The following TTLL7 variants were observed in gnomAD, a reference collection of about 807,000 sequenced individuals.
The protein encoded by TTLL7 is tubulin tyrosine ligase like 7, also known as tubulin polyglutamylase TTLL7.
Under a neutral mutation model 120.2 loss-of-function variants are expected in TTLL7, and 53 were observed. The observed-to-expected ratio is 0.44, with a 90% CI of 0.35 to 0.55. The LOEUF is 0.55. Ranked by LOEUF, TTLL7 falls within the 20% of genes least tolerant of loss-of-function variation. TTLL7 has a pLI of 0.00. For synonymous variants in TTLL7, 353 were observed against 351.7 expected (o/e 1.00, Z -0.04); for missense variants, 803 against 1,054.7 (o/e 0.76, Z 3.31).
intron 5 of TTLL7, 190 bp from the exon 6 acceptor site, chr1:83,947,472 T>C (rs1029748426): frequency 2.0e-6 from 1 of 492,876 alleles, no homozygotes; most frequent in Non-Finnish European, 3.4e-6. Flanking sequence ...TTCTGGACTA[T>C]GGATTCATCA....
At chr1:83,919,597 A>G in intron 13 of TTLL7, 102 bp downstream of exon 13, 1 of 1,096,136 alleles carries the variant, frequency 9.1e-7, no homozygotes, top group Non-Finnish European at 1.2e-6. Flanking sequence ...AGCATATCTT[A>G]AAAGTAAAAT....
chr1:83,963,893 T>C (rs1332356814), intron 1 of TTLL7, among the ~76,000 whole-genome samples: 2 of 152,140 alleles, frequency 1.3e-5, no homozygotes, highest in Non-Finnish European at 2.9e-5. Flanking sequence ...AATTAAGTTA[T>C]GGTACAAGAA....
At chr1:83,886,794 T>C (rs114741905) in intron 19 of TTLL7, among the ~76,000 whole-genome samples, 8 of 152,058 alleles carry the variant, frequency 5.3e-5, no homozygotes, top group African/African-American at 1.9e-4. Flanking sequence ...ACTCCTATTC[T>C]TCCTTTAACT....
chr1:83,915,473 C>T (rs1358218369), intron 14 of TTLL7, among the ~76,000 whole-genome samples: 5 of 152,150 alleles, frequency 3.3e-5, no homozygotes, highest in Admixed American at 6.5e-5. Context: ...CTTCCTTACA[C>T]CTTATACTAA....
At chr1:83,962,756 A>G (rs1241496822) in intron 1 of TTLL7, among the ~76,000 whole-genome samples, 1 of 152,100 alleles carries the variant, frequency 6.6e-6, no homozygotes, top group Non-Finnish European at 1.5e-5. Context: ...ATCAGTGGAC[A>G]CTCATTTGCT....
intron 20 of TTLL7, among the ~76,000 whole-genome samples, chr1:83,878,819 T>G (rs1654189739): frequency 6.6e-6 from 1 of 151,916 alleles, no homozygotes; most frequent in African/African-American, 2.4e-5. Context: ...CATATTATTA[T>G]TTTTTTCTGA....
In TTLL7 at chr1:83,962,164, A is replaced by G. The variant is rs139784793; in HGVS notation, c.-176-9777T>C. On this transcript the variant is annotated intron_variant, in intron 1 of 20. Transcript: ENST00000260505. ...CAGCTGCTTAGCTGGTGAACAAATG[A>G]CATCACCCAAATGTCATCTGATGCC... Among the ~76,000 whole-genome samples, 45 of 152,286 alleles carry G rather than the reference A, an allele frequency of 3.0e-4. No homozygotes were observed. In the East Asian group the frequency reaches 4.6e-3, roughly 16 times the overall value.
chr1:83,867,517 C>G lies in TTLL7; in HGVS notation c.*2445G>C, dbSNP rs1191903511. On this transcript the variant is annotated 3_prime_UTR_variant, in exon 21 of 21. Coordinates refer to ENST00000260505, the MANE Select transcript of TTLL7 (RefSeq NM_024686.6). ...GGGTACTTTCATACATTTAAATTTA[C>G]TCAGTTTTTAAATTGTGTGTGTGTG... is the stretch of plus-strand genomic sequence containing the variant. The G allele has an allele frequency of 1.4e-5, 2 of 145,518 alleles. No individual in the cohort carries two copies. The highest frequency in any genetic ancestry group is 1.4e-4 in the Admixed American group (2 of 13,914). The allele number at this position is 145,518 out of a possible 1,614,324, so 9.0% of individuals were successfully genotyped here.
At chr1:83,996,101 T>C (rs1206143483) in intron 1 of TTLL7, among the ~76,000 whole-genome samples, 1 of 152,196 alleles carries the variant, frequency 6.6e-6, no homozygotes, top group Non-Finnish European at 1.5e-5. Context: ...ATAGTGATTG[T>C]CTTTAGTTGG....
chr1:83,930,301 C>A (rs1248959985), intron 9 of TTLL7, among the ~76,000 whole-genome samples: 1 of 152,014 alleles, frequency 6.6e-6, no homozygotes, highest in Non-Finnish European at 1.5e-5. Context: ...AATAATGTAT[C>A]ATGAAAATCT....
At chr1:83,973,223 G>A (rs1651154117) in intron 1 of TTLL7, among the ~76,000 whole-genome samples, 1 of 151,918 alleles carries the variant, frequency 6.6e-6, no homozygotes, top group Non-Finnish European at 1.5e-5. Flanking sequence ...TTAGCTATTT[G>A]GTCTGCTTTG....
intron 14 of TTLL7, 79 bp from the exon 15 acceptor site, chr1:83,911,442 T>C: frequency 8.7e-7 from 1 of 1,153,496 alleles, no homozygotes; most frequent in Non-Finnish European, 1.2e-6. Flanking sequence ...TATTTTTAAT[T>C]TCCCCCTATG....
intron 1 of TTLL7, among the ~76,000 whole-genome samples, chr1:83,982,171 C>T (rs949379179): frequency 1.2e-4 from 18 of 152,136 alleles, no homozygotes; most frequent in Admixed American, 7.2e-4. Context: ...TTAAACAATA[C>T]ATTTCTAAAT....
chr1:83,979,753 TA>T (rs1437287924), intron 1 of TTLL7: 1 of 152,214 alleles, frequency 6.6e-6, no homozygotes, highest in Admixed American at 6.5e-5. Context: ...CTTACTCTCA[TA>T]ATTTTGCAAA....
chr1:83,956,531 G>A (rs1208848554), intron 1 of TTLL7, among the ~76,000 whole-genome samples: 1 of 150,922 alleles, frequency 6.6e-6, no homozygotes, highest in Admixed American at 6.6e-5. Context: ...GGGTTCAAGT[G>A]ATTCGCCTGC....
intron 1 of TTLL7, among the ~76,000 whole-genome samples, chr1:83,992,791 C>CTT (rs367737528): frequency 0.076 from 7,746 of 101,330 alleles, 457 homozygotes; most frequent in Non-Finnish European, 0.1. Flanking sequence ...TATTCAAGTT[C>CTT]TTTTTTTTTT....
intron 20 of TTLL7, among the ~76,000 whole-genome samples, chr1:83,882,410 T>G (rs1363733977): frequency 1.8e-5 from 1 of 54,820 alleles, no homozygotes; most frequent in Non-Finnish European, 3.3e-5. Flanking sequence ...GGTACTTTCT[T>G]TACTCTGTGT....
rs893880861 is a variant in TTLL7, at chr1:83,985,686, A to AAAAT, written c.-177+13241_-177+13244dup. Among the ~76,000 whole-genome samples, 32 of 152,224 alleles carry AAAAT rather than the reference A, an allele frequency of 2.1e-4. 1 individual carries two copies. The highest frequency in any genetic ancestry group is 8.3e-4 in the South Asian group (4 of 4,824). On this transcript the variant is annotated intron_variant, in intron 1 of 20. Coordinates refer to ENST00000260505, the MANE Select transcript of TTLL7 (RefSeq NM_024686.6). ...GCAACATAGCAAGGCCTGTCTCTTA[A>AAAAT]AAATAAATAAATAAATAAATAAACA...
chr1:83,954,494 G>A (rs1649333833), intron 1 of TTLL7, among the ~76,000 whole-genome samples: 1 of 152,160 alleles, frequency 6.6e-6, no homozygotes, highest in Admixed American at 6.5e-5. Flanking sequence ...TGAAACCATA[G>A]TTACCTACTT....
Sources: allele counts gnomAD v4.1 joint callset (sites outside exome capture counted in the v4.1 genomes callset), GRCh38; gene constraint gnomAD v4.1.1; transcripts MANE v1.5; gene names NCBI Gene and HGNC (gene_info 2026-07-23, HGNC 2026-07-21).